Variants in BCAT1 observed in about 807,000 individuals in gnomAD.
BCAT1 encodes branched-chain-amino-acid aminotransferase, cytosolic.
A neutral mutation model predicts 52.4 loss-of-function variants in BCAT1; 48 were observed. The observed-to-expected ratio is 0.92, with a 90% confidence interval of 0.73 to 1.16. The LOEUF (loss-of-function observed/expected upper bound fraction) is 1.16, where lower values mean the gene tolerates loss of function less well. Among genes scored for constraint, BCAT1 ranks in the 50% most tolerant of loss-of-function variants. BCAT1 has a pLI of 0.00. For missense variants in BCAT1, 451 were observed against 457.1 expected, an observed-to-expected ratio of 0.99 and a Z score of 0.12; for synonymous variants, 167 against 161.3, an observed-to-expected ratio of 1.04 and a Z score of -0.27.
At chr12:24,823,383 AT>A (rs1397382158) in intron 10 of BCAT1, among the ~76,000 whole-genome samples, 2 of 151,922 alleles carry the variant, frequency 1.3e-5, no homozygotes, top group East Asian at 1.9e-4. Flanking sequence ...CACCTTCTTC[AT>A]TTTTTTGCCC....
At position 24,813,271 on chromosome 12, in the gene BCAT1, C is replaced by T. The variant is rs1031446044; in HGVS notation, c.*4737G>A. On this transcript the variant is annotated 3_prime_UTR_variant, in exon 11 of 11. Coordinates refer to ENST00000261192, the MANE Select transcript of BCAT1 (RefSeq NM_005504.7). ...TATGCTGAAGAGAAAAAATAAATCA[C>T]TTTCTTCCACCTTTGAATCTTTAAA... 3 of 151,992 alleles carry T rather than the reference C, an allele frequency of 2.0e-5. No individual in the cohort carries two copies. The highest frequency in any genetic ancestry group is 4.8e-5 in the African/African-American group (2 of 41,438). 9.4% of individuals were successfully genotyped at this position (151,992 alleles called of 1,614,324 possible).
intron 1 of BCAT1, among the ~76,000 whole-genome samples, chr12:24,947,325 A>G (rs1373476622): frequency 6.6e-6 from 1 of 152,198 alleles, no homozygotes; most frequent in Non-Finnish European, 1.5e-5. Context: ...TACTCAGTGT[A>G]TATCCTATGT....
At chr12:24,928,882 C>G (rs1288529681) in intron 1 of BCAT1, among the ~76,000 whole-genome samples, 1 of 150,744 alleles carries the variant, frequency 6.6e-6, no homozygotes, top group Non-Finnish European at 1.5e-5. Context: ...ATTACAGGCA[C>G]GTGCACCATG....
At chr12:24,898,519 A>ATTTTTTTTTT (rs1591853913) in intron 2 of BCAT1, among the ~76,000 whole-genome samples, 7 of 24,044 alleles carry the variant, frequency 2.9e-4, no homozygotes, top group Non-Finnish European at 4.3e-4. Context: ...TTCAGTCAAC[A>ATTTTTTTTTT]CTTTTTTTTT....
In BCAT1 at chr12:24,832,722, C is replaced by T. The variant is rs1940729665; in HGVS notation, c.1044+1G>A. 6.2e-7 allele frequency: 1 copy of T among 1,602,728 alleles called. No homozygotes were observed. The highest frequency in any genetic ancestry group is 1.1e-5 in the South Asian group (1 of 88,712). ...AGGAAATGAGGAAATACTTGTCGTACCTCGCCTTTGTACAGTATATCAGAA... is the reference window on the plus strand; with the variant it reads ...AGGAAATGAGGAAATACTTGTCGTATCTCGCCTTTGTACAGTATATCAGAA... On this transcript the variant is annotated splice_donor_variant, in intron 9 of 10. Transcript: ENST00000261192. LOFTEE classifies it high-confidence loss of function.
chr12:24,924,853 A>G (rs1490287140), intron 1 of BCAT1, among the ~76,000 whole-genome samples: 1 of 152,198 alleles, frequency 6.6e-6, no homozygotes, highest in African/African-American at 2.4e-5. Context: ...TCCCATATGA[A>G]GTATTTAGAT....
At chr12:24,930,644 G>A (rs943542416) in intron 1 of BCAT1, among the ~76,000 whole-genome samples, 4 of 152,014 alleles carry the variant, frequency 2.6e-5, no homozygotes, top group Non-Finnish European at 4.4e-5. Context: ...CCTCTTCCAG[G>A]GTAAAGAAGT....
rs534029547 is a variant in BCAT1 at position 24,854,105 on chromosome 12, T to C, written c.511-4156A>G. Among the ~76,000 whole-genome samples the C allele has an allele frequency of 7.9e-5, 12 of 152,360 alleles. No individual in the cohort carries two copies. In the South Asian group the frequency reaches 2.1e-3, roughly 26 times the overall value. ...TAGAAGGACAAGACACTGAGTGTGA[T>C]GGAAAATAAAAAGACATGTCACAGA... On this transcript the variant is annotated intron_variant, in intron 5 of 10. Transcript: ENST00000261192.
chr12:24,894,558 G>A, intron 2 of BCAT1, 83 bp from the exon 3 acceptor site: 8 of 1,121,634 alleles, frequency 7.1e-6, no homozygotes, highest in African/African-American at 1.6e-5. Flanking sequence ...AAAAAAAAAA[G>A]GAAATCAATT....
intron 4 of BCAT1, 148 bp from the exon 5 acceptor site, chr12:24,878,797 T>A (rs1942417434): frequency 1.0e-5 from 8 of 765,344 alleles, no homozygotes; most frequent in Non-Finnish European, 1.6e-5. Context: ...GATATCCTAA[T>A]TATCCTAATT....
At chr12:24,886,123 A>T (rs1056950397) in intron 3 of BCAT1, among the ~76,000 whole-genome samples, 3 of 152,200 alleles carry the variant, frequency 2.0e-5, no homozygotes, top group Non-Finnish European at 2.9e-5. Context: ...CCCAATAAAC[A>T]TATGAAAAGG....
chr12:24,935,269 T>C (rs1467202067), intron 1 of BCAT1, among the ~76,000 whole-genome samples: 3 of 152,208 alleles, frequency 2.0e-5, no homozygotes. Context: ...CAGAAAAATA[T>C]GATTTGTCCT....
At chr12:24,944,016 G>A (rs1041846917) in intron 1 of BCAT1, among the ~76,000 whole-genome samples, 4 of 152,038 alleles carry the variant, frequency 2.6e-5, no homozygotes, top group Non-Finnish European at 5.9e-5. Context: ...AGTTTGCATG[G>A]CATTTAGAAA....
intron 5 of BCAT1, among the ~76,000 whole-genome samples, chr12:24,850,701 T>C (rs993894352): frequency 6.6e-6 from 1 of 152,102 alleles, no homozygotes; most frequent in Non-Finnish European, 1.5e-5. Flanking sequence ...AAACGCTGAG[T>C]TATAACCAAT....
At chr12:24,912,037 A>C (rs2139703377) in intron 1 of BCAT1, among the ~76,000 whole-genome samples, 1 of 152,280 alleles carries the variant, frequency 6.6e-6, no homozygotes, top group Middle Eastern at 3.4e-3. Flanking sequence ...CCAGTACCTA[A>C]ATAGCTTTTA....
chr12:24,908,186 CT>C (rs1013263382), intron 1 of BCAT1, among the ~76,000 whole-genome samples: 1 of 152,140 alleles, frequency 6.6e-6, no homozygotes, highest in African/African-American at 2.4e-5. Flanking sequence ...AATCTTTCTT[CT>C]TCCTTTTTTC....
rs550858123 is a variant in BCAT1 at position 24,908,579 on chromosome 12, A to G, written c.7-6694T>C. Among the ~76,000 whole-genome samples the G allele has an allele frequency of 5.9e-5, 9 of 152,246 alleles. No homozygotes were observed. In the South Asian group the frequency reaches 8.3e-4, roughly 14 times the overall value. On this transcript the variant is annotated intron_variant, in intron 1 of 10. Transcript: ENST00000261192. ...AACATGGTGAAACTCACCTCTACCA[A>G]GAACACAACAAATTAGTTGGGCGTG... is the stretch of plus-strand genomic sequence containing the variant.
intron 5 of BCAT1, among the ~76,000 whole-genome samples, chr12:24,862,047 G>A (rs1437919406): frequency 6.6e-6 from 1 of 152,112 alleles, no homozygotes; most frequent in Non-Finnish European, 1.5e-5. Flanking sequence ...CTCAGTTCTG[G>A]GAATTCCCCA....
At chr12:24,848,870 G>A (rs879728821) in intron 6 of BCAT1, among the ~76,000 whole-genome samples, 8 of 152,142 alleles carry the variant, frequency 5.3e-5, no homozygotes, top group East Asian at 1.9e-4. Context: ...TTTTATAACC[G>A]TTCTTTTTTA....
Sources: allele counts gnomAD v4.1 joint callset (sites outside exome capture counted in the v4.1 genomes callset), GRCh38; gene constraint gnomAD v4.1.1; transcripts MANE v1.5; gene names NCBI Gene and HGNC (gene_info 2026-07-23, HGNC 2026-07-21).